Variants in KANK1 observed in about 807,000 individuals in gnomAD.
KANK1 encodes the protein KN motif and ankyrin repeat domain-containing protein 1.
KANK1 carries 109 observed loss-of-function variants against 106.2 expected under a neutral mutation model. The observed-to-expected ratio is 1.03, with a 90% confidence interval of 0.88 to 1.20. The LOEUF is 1.20. Ranked by LOEUF, KANK1 falls within the 50% of genes most tolerant of loss-of-function variation. KANK1 has a pLI of 0.00. For missense variants in KANK1, 2,399 were observed against 1,710.7 expected, an observed-to-expected ratio of 1.40 and a Z score of -7.10; for synonymous variants, 873 against 652.2, an observed-to-expected ratio of 1.34 and a Z score of -5.16.
At chr9:586,796 C>G (rs565384088) in intron 1 of KANK1, among the ~76,000 whole-genome samples, 1 of 152,240 alleles carries the variant, frequency 6.6e-6, no homozygotes, top group African/African-American at 2.4e-5. Flanking sequence ...AATAGCTAGC[C>G]TTTACCTAAA....
At position 646,597 on chromosome 9, in the gene KANK1, T is replaced by C. The variant is rs545695614; in HGVS notation, c.-83-30293T>C. On this transcript the variant is annotated intron_variant, in intron 1 of 11. Transcript: ENST00000382297. The stretch of plus-strand genomic sequence containing the variant: ...CATCTCTCAGTTAGGTTCATTATTT[T>C]CAATCATATTATTGTATTGTGCTGT... Among the ~76,000 whole-genome samples, 58 of 151,084 alleles carry C rather than the reference T, an allele frequency of 3.8e-4. 6 individuals are homozygous for C. Among genetic ancestry groups the C allele is most frequent in the African/African-American group, 1.3e-3 (52 of 40,396 alleles).
At chr9:472,170 G>C (rs766062897) in intron 2 of KANK1, among the ~76,000 whole-genome samples, 7 of 152,130 alleles carry the variant, frequency 4.6e-5, no homozygotes, top group Admixed American at 4.6e-4. Context: ...ATAGAGAGCT[G>C]GCCTGCCCAC....
intron 3 of KANK1, among the ~76,000 whole-genome samples, chr9:724,995 A>C (rs552573708): frequency 6.6e-6 from 1 of 152,210 alleles, no homozygotes; most frequent in Admixed American, 6.5e-5. Flanking sequence ...GGGGACATCA[A>C]GTCACATAGT....
intron 1 of KANK1, 80 bp from the exon 2 acceptor site, chr9:676,810 C>T (rs1034971145): frequency 1.6e-5 from 10 of 606,886 alleles, no homozygotes; most frequent in Non-Finnish European, 2.7e-5. Flanking sequence ...TAGCAGTCAT[C>T]TTTGTAAACA....
intron 3 of KANK1, chr9:476,768 CATTT>C (rs1223123952): frequency 6.6e-6 from 1 of 152,006 alleles, no homozygotes; most frequent in African/African-American, 2.4e-5. Context: ...TATTGGTTGC[CATTT>C]ATTGAGCAGT....
intron 3 of KANK1, chr9:484,633 G>C (rs950473125): frequency 6.6e-6 from 1 of 152,202 alleles, no homozygotes; most frequent in African/African-American, 2.4e-5. Flanking sequence ...GGAGAGGCAA[G>C]ATAAAAGATA....
At chr9:556,017 A>G (rs2061564051) in intron 1 of KANK1, among the ~76,000 whole-genome samples, 2 of 152,264 alleles carry the variant, frequency 1.3e-5, no homozygotes. Context: ...TAATCATACT[A>G]TAAAATACTG....
intron 1 of KANK1, among the ~76,000 whole-genome samples, chr9:505,310 C>T (rs1048718478): frequency 1.4e-4 from 21 of 152,128 alleles, no homozygotes; most frequent in African/African-American, 4.8e-4. Flanking sequence ...CGCCCTCCGC[C>T]AACTCCGAGG....
intron 1 of KANK1, among the ~76,000 whole-genome samples, chr9:511,843 A>AC (rs905883144): frequency 2.0e-5 from 3 of 152,080 alleles, no homozygotes; most frequent in African/African-American, 7.2e-5. Flanking sequence ...TTAGCAAATT[A>AC]CCCCCCAAAA....
chr9:511,917 G>C (rs1340743720), intron 1 of KANK1, among the ~76,000 whole-genome samples: 3 of 152,112 alleles, frequency 2.0e-5, no homozygotes, highest in African/African-American at 7.2e-5. Flanking sequence ...TTCAGGCAGG[G>C]CTGGGCTGGG....
chr9:503,049 G>T (rs1317984164), upstream of KANK1, among the ~76,000 whole-genome samples: 375 of 104,230 alleles, frequency 3.6e-3, no homozygotes, highest in African/African-American at 0.011. Flanking sequence ...GAATTTCACT[G>T]TATTGCCCAG....
At chr9:556,820 G>A (rs1343146155) in intron 1 of KANK1, among the ~76,000 whole-genome samples, 2 of 152,044 alleles carry the variant, frequency 1.3e-5, no homozygotes, top group Admixed American at 6.6e-5. Context: ...CTGCTTTCTC[G>A]CTTGTTACAG....
intron 10 of KANK1, among the ~76,000 whole-genome samples, chr9:743,987 TC>T (rs1836463037): frequency 6.6e-6 from 1 of 152,210 alleles, no homozygotes; most frequent in Non-Finnish European, 1.5e-5. Flanking sequence ...ATGTAGTGTT[TC>T]CCCTCTTATT....
chr9:583,341 C>T (rs191457669), intron 1 of KANK1, among the ~76,000 whole-genome samples: 15 of 152,224 alleles, frequency 9.9e-5, no homozygotes, highest in Admixed American at 7.8e-4. Flanking sequence ...TGAGAGGATA[C>T]GGGACCTTAT....
intron 1 of KANK1, among the ~76,000 whole-genome samples, chr9:614,670 T>C (rs1831377909): frequency 6.6e-6 from 1 of 152,288 alleles, no homozygotes; most frequent in Middle Eastern, 3.4e-3. Context: ...AACACTCCCA[T>C]GCATTTCCGT....
At chr9:588,662 G>A (rs926832603) in intron 1 of KANK1, among the ~76,000 whole-genome samples, 4 of 152,100 alleles carry the variant, frequency 2.6e-5, no homozygotes, top group South Asian at 2.1e-4. Flanking sequence ...CTCTAATGCT[G>A]TAGTAGTCAT....
At chr9:574,942 A>G (rs78674937) in intron 1 of KANK1, among the ~76,000 whole-genome samples, 6,128 of 151,458 alleles carry the variant, frequency 0.04, 137 homozygotes, top group Non-Finnish European at 0.055. Context: ...CCTTGTCTTT[A>G]TGCCCACAGG....
upstream of KANK1, among the ~76,000 whole-genome samples, chr9:501,437 G>A (rs1325122467): frequency 6.6e-6 from 1 of 151,994 alleles, no homozygotes; most frequent in African/African-American, 2.4e-5. Context: ...GTGTTGCATA[G>A]ACCATTCTAT....
At chr9:703,237 C>A (rs1427233592) in intron 2 of KANK1, among the ~76,000 whole-genome samples, 1 of 152,096 alleles carries the variant, frequency 6.6e-6, no homozygotes, top group East Asian at 1.9e-4. Context: ...AGTGAACTGC[C>A]CACCCTGGCC....
Sources: gnomAD v4.1 joint callset for allele counts (sites outside exome capture counted in the v4.1 genomes callset) on GRCh38, gnomAD v4.1.1 for gene constraint, MANE v1.5 for transcripts, NCBI Gene and HGNC (gene_info 2026-07-23, HGNC 2026-07-21) for gene names.